Variants in NIM1K observed in about 807,000 individuals in gnomAD.
NIM1K encodes the protein NIM1 serine/threonine protein kinase, also known as serine/threonine-protein kinase NIM1.
A neutral mutation model predicts 37.1 loss-of-function variants in NIM1K; 35 were observed. The ratio of observed to expected loss-of-function variants is 0.94; its 90% CI spans 0.72 to 1.25. The LOEUF (loss-of-function observed/expected upper bound fraction) is 1.25, where lower values mean the gene tolerates loss of function less well. NIM1K is among the 50% of genes most tolerant of loss of function. The pLI, the probability that NIM1K is intolerant of heterozygous loss-of-function variation, is 0.00. For synonymous variants in NIM1K, 234 were observed against 206.6 expected, an observed-to-expected ratio of 1.13 and a Z score of -1.14; for missense variants, 564 against 548.0, an observed-to-expected ratio of 1.03 and a Z score of -0.29.
chr5:43,270,539 A>G (rs1753240361), intron 2 of NIM1K, among the ~76,000 whole-genome samples: 1 of 152,206 alleles, frequency 6.6e-6, no homozygotes, highest in African/African-American at 2.4e-5. Flanking sequence ...TGAGGAGTGG[A>G]AGAAGGCATT....
intron 1 of NIM1K, among the ~76,000 whole-genome samples, chr5:43,218,586 G>A (rs566556366): frequency 2.4e-4 from 36 of 152,200 alleles, no homozygotes; most frequent in African/African-American, 7.7e-4. Flanking sequence ...CCAGCAATCC[G>A]TGAACTAACA....
intron 1 of NIM1K, among the ~76,000 whole-genome samples, chr5:43,242,424 TG>T (rs1752716647): frequency 6.7e-6 from 1 of 149,526 alleles, no homozygotes; most frequent in Admixed American, 6.7e-5. Flanking sequence ...CTGGTGCCTG[TG>T]GGGAGCTGAT....
chr5:43,207,276 T>C, intron 1 of NIM1K: 1 of 759,580 alleles, frequency 1.3e-6, no homozygotes, highest in African/African-American at 1.7e-5. Context: ...GTACTCATTC[T>C]GGGAGAGAGA....
intron 1 of NIM1K, among the ~76,000 whole-genome samples, chr5:43,228,756 A>G (rs1752495650): frequency 6.6e-6 from 1 of 152,060 alleles, no homozygotes; most frequent in Admixed American, 6.5e-5. Context: ...TCTTGAGACC[A>G]GGAGGTGGAG....
intron 1 of NIM1K, among the ~76,000 whole-genome samples, chr5:43,200,738 G>C (rs1752005516): frequency 6.6e-6 from 1 of 152,198 alleles, no homozygotes; most frequent in Non-Finnish European, 1.5e-5. Context: ...AATTGACAAA[G>C]AGTTGAGGTC....
Position 43,245,562 on chromosome 5 carries a change from C to T in NIM1K, c.-214C>T, listed in dbSNP as rs1752763632. 8 of 469,792 alleles carry T rather than the reference C, an allele frequency of 1.7e-5. No individual in the cohort carries two copies. The highest frequency in any genetic ancestry group is 3.7e-6 in the Non-Finnish European group (1 of 267,082). The allele number at this position is 469,792 out of a possible 1,614,324, so 29.1% of individuals were successfully genotyped here. On this transcript the variant is annotated 5_prime_UTR_variant, in exon 2 of 4. Transcript: ENST00000326035. ...AAGGTGGGAAATGTCTTGAGTGAGGCGAGCAGCTCCTGGCTGGGCTGGGCA... is the reference window on the plus strand; with the variant it reads ...AAGGTGGGAAATGTCTTGAGTGAGGTGAGCAGCTCCTGGCTGGGCTGGGCA...
intron 1 of NIM1K, among the ~76,000 whole-genome samples, chr5:43,197,000 G>A (rs1751927578): frequency 7.3e-6 from 1 of 136,166 alleles, no homozygotes; most frequent in South Asian, 2.4e-4. Flanking sequence ...TGCCCAGCCT[G>A]GTCTCAAACT....
In NIM1K at chr5:43,280,523, G is replaced by C. The variant is rs771561296; in HGVS notation, c.1105G>C (p.Glu369Gln). The C allele has an allele frequency of 6.2e-7, 1 of 1,614,178 alleles. No homozygotes were observed. Among genetic ancestry groups the C allele is most frequent in the Non-Finnish European group, 8.5e-7 (1 of 1,180,024 alleles). The change falls in exon 4 of 4, where the codon GAG becomes CAG. Residue 369 changes from glutamate (E) to glutamine (Q), a missense_variant. Coordinates refer to ENST00000326035, the MANE Select transcript of NIM1K (RefSeq NM_153361.4). ...STLEHLGITE[E>Q]HIRNNQGRDA... Reference sequence around the variant, plus strand: ...TTTAGAACATTTGGGCATTACAGAAGAGCATATTCGAAATAACCAAGGGAG... The same window carrying C: ...TTTAGAACATTTGGGCATTACAGAACAGCATATTCGAAATAACCAAGGGAG...
At chr5:43,257,538 G>A (rs1448427164) in intron 2 of NIM1K, among the ~76,000 whole-genome samples, 1 of 151,454 alleles carries the variant, frequency 6.6e-6, no homozygotes, top group Non-Finnish European at 1.5e-5. Flanking sequence ...TGGCTAAAGA[G>A]ACGGGGGTTT....
At chr5:43,226,984 G>C (rs956066962) in intron 1 of NIM1K, among the ~76,000 whole-genome samples, 2 of 152,120 alleles carry the variant, frequency 1.3e-5, no homozygotes, top group African/African-American at 2.4e-5. Context: ...AGTGGAAAAG[G>C]GTCAAGATTG....
At chr5:43,266,187 G>A (rs926973302) in intron 2 of NIM1K, among the ~76,000 whole-genome samples, 2 of 152,230 alleles carry the variant, frequency 1.3e-5, no homozygotes, top group African/African-American at 4.8e-5. Context: ...ATTTTCTGCT[G>A]CCTTTTGTTC....
intron 1 of NIM1K, among the ~76,000 whole-genome samples, chr5:43,221,917 C>T (rs1752386196): frequency 6.6e-6 from 1 of 152,200 alleles, no homozygotes; most frequent in East Asian, 1.9e-4. Context: ...ATGTCTTATG[C>T]ATTTTATGCC....
intron 2 of NIM1K, among the ~76,000 whole-genome samples, chr5:43,273,200 CT>C (rs113748798): frequency 0.013 from 1,873 of 145,224 alleles, 37 homozygotes; most frequent in African/African-American, 0.039. Flanking sequence ...TGCCAGAGTG[CT>C]TTTTTTTTTT....
At chr5:43,232,273 G>A (rs1172865745) in intron 1 of NIM1K, 3 of 1,111,946 alleles carry the variant, frequency 2.7e-6, no homozygotes, top group African/African-American at 3.1e-5. Context: ...TCATCATCTG[G>A]TTGGCAGGCT....
intron 1 of NIM1K, among the ~76,000 whole-genome samples, chr5:43,235,797 A>G (rs1400106633): frequency 6.6e-6 from 1 of 152,032 alleles, no homozygotes; most frequent in African/African-American, 2.4e-5. Flanking sequence ...AATGTGCAGC[A>G]GTTCCAGATG....
chr5:43,268,626 A>T (rs1753206208), intron 2 of NIM1K, among the ~76,000 whole-genome samples: 1 of 152,172 alleles, frequency 6.6e-6, no homozygotes, highest in African/African-American at 2.4e-5. Flanking sequence ...CTGCATGAGT[A>T]ATTGGGGGAG....
rs1486629953 is a variant in NIM1K, at chr5:43,277,312, C to T, written c.548C>T (p.Ala183Val). ...CTCATCTTCTCCCAGATTGTGTCTG[C>T]CGTGAAGCACATGGTGAGCAGGGGT... is the stretch of plus-strand genomic sequence containing the variant. ...SKLIFSQIVSAVKHMHENQII... is the reference protein window; with the variant it reads ...SKLIFSQIVSVVKHMHENQII... The change falls in exon 3 of 4, where the codon GCC becomes GTC. Residue 183 changes from alanine to valine, a missense_variant. Coordinates refer to ENST00000326035, the MANE Select transcript of NIM1K (RefSeq NM_153361.4). The T allele has an allele frequency of 2.5e-6, 4 of 1,613,646 alleles. No individual in the cohort carries two copies. The highest frequency in any genetic ancestry group is 8.5e-7 in the Non-Finnish European group (1 of 1,179,848).
At chr5:43,232,289 C>T (rs778897044) in intron 1 of NIM1K, 109 of 1,160,204 alleles carry the variant, frequency 9.4e-5, no homozygotes, top group Non-Finnish European at 1.3e-4. Context: ...AGGCTGAAAG[C>T]AAGCACTGGC....
chr5:43,280,520 G>T lies in NIM1K; in HGVS notation c.1102G>T (p.Glu368Ter), dbSNP rs1753425689. 3 of 1,614,040 alleles carry T rather than the reference G, an allele frequency of 1.9e-6. No homozygotes were observed. The highest frequency in any genetic ancestry group is 2.5e-6 in the Non-Finnish European group (3 of 1,180,030). ...KSTLEHLGIT[E>*]EHIRNNQGRD... Reference sequence around the variant, plus strand: ...CACTTTAGAACATTTGGGCATTACAGAAGAGCATATTCGAAATAACCAAGG... The same window carrying T: ...CACTTTAGAACATTTGGGCATTACATAAGAGCATATTCGAAATAACCAAGG... Residue 368 changes from glutamate (E) to a stop codon, truncating the protein, a stop_gained, in exon 4 of 4, where the codon GAA becomes TAA. Coordinates refer to ENST00000326035, the MANE Select transcript of NIM1K (RefSeq NM_153361.4). LOFTEE classifies it high-confidence loss of function.
Sources: allele counts gnomAD v4.1 joint callset (sites outside exome capture counted in the v4.1 genomes callset), GRCh38; gene constraint gnomAD v4.1.1; transcripts MANE v1.5; gene names NCBI Gene and HGNC (gene_info 2026-07-23, HGNC 2026-07-21).